PADI6: variants seen among roughly 807,000 people sequenced by gnomAD.
PADI6 encodes the protein inactive protein-arginine deiminase type-6.
In PADI6, 66 loss-of-function variants were observed where a neutral mutation model predicts 78.2. The ratio of observed to expected loss-of-function variants is 0.84; its 90% confidence interval spans 0.69 to 1.04. The LOEUF is 1.04. Among genes scored for constraint, PADI6 ranks in the 50% least tolerant of loss-of-function variants. The pLI is 0.00. For synonymous variants in PADI6, 397 were observed against 346.9 expected, an observed-to-expected ratio of 1.14 and a Z score of -1.60; for missense variants, 854 against 866.1, an observed-to-expected ratio of 0.99 and a Z score of 0.18.
chr1:17,385,411 G>GA (rs2075110287), intron 6 of PADI6, among the ~76,000 whole-genome samples: 1 of 152,158 alleles, frequency 6.6e-6, no homozygotes, highest in South Asian at 2.1e-4. Context: ...TGGGCTCTGA[G>GA]AAGGGTCAAA....
intron 14 of PADI6, 110 bp downstream of exon 14, chr1:17,397,251 G>GCCCC: frequency 8.8e-7 from 1 of 1,134,868 alleles, no homozygotes; most frequent in Non-Finnish European, 1.3e-6. Flanking sequence ...GCGGCGGGGG[G>GCCCC]CAGCTGCCTG....
intron 9 of PADI6, among the ~76,000 whole-genome samples, chr1:17,393,756 T>G (rs1385650504): frequency 6.6e-6 from 1 of 152,054 alleles, no homozygotes; most frequent in Non-Finnish European, 1.5e-5. Flanking sequence ...ATTGCAGGCG[T>G]GAGCCACCAC....
Position 17,401,446 on chromosome 1 carries a change from C to T in PADI6, c.*8C>T, listed in dbSNP as rs781455541. 103 of 1,610,720 alleles carry T rather than the reference C, an allele frequency of 6.4e-5. 1 individual carries two copies. The highest frequency in any genetic ancestry group is 7.8e-5 in the Non-Finnish European group (92 of 1,177,588). On this transcript the variant is annotated 3_prime_UTR_variant, in exon 16 of 16. Coordinates refer to ENST00000619609, the MANE Select transcript of PADI6 (RefSeq NM_207421.4). ...TGGAAGATGGTACCTTAGACCCAGG[C>T]CCTGGAGCTGCCAGCTCTGCCCCAG... is the stretch of plus-strand genomic sequence containing the variant.
At chr1:17,395,361 A>G (rs1477712477) in intron 12 of PADI6, among the ~76,000 whole-genome samples, 179 bp from the exon 13 acceptor site, 5 of 151,728 alleles carry the variant, frequency 3.3e-5, no homozygotes, top group Admixed American at 2.0e-4. Flanking sequence ...ATGCCACCAC[A>G]CCTGGCTCAT....
In PADI6 at chr1:17,401,579, C is replaced by A; in HGVS notation, c.*141C>A. On this transcript the variant is annotated 3_prime_UTR_variant, in exon 16 of 16. Transcript: ENST00000619609. Reference sequence around the variant, plus strand: ...TTCTTCCCTGTCTGCCCCGACCGACCCTCGGACCCAGTAGGATGGCAAATG... The same window carrying A: ...TTCTTCCCTGTCTGCCCCGACCGACACTCGGACCCAGTAGGATGGCAAATG... 9 of 757,870 alleles carry A rather than the reference C, an allele frequency of 1.2e-5. 1 individual carries two copies. The South Asian group carries it at 1.7e-4, about 14-fold the overall frequency. 46.9% of individuals were successfully genotyped at this position (757,870 alleles called of 1,614,324 possible). A position where few individuals can be genotyped will look rare whatever the true frequency, so the allele number is the denominator to read the frequency against.
chr1:17,398,654 G>GCCCCCCCCCCCCC lies in PADI6; in HGVS notation c.1690-21_1690-20insCCCCCCCCCCCCC. 1.2e-4 allele frequency: 20 copies of GCCCCCCCCCCCCC among 173,474 alleles called. 3 individuals carry two copies. The highest frequency in any genetic ancestry group is 3.0e-4 in the South Asian group (6 of 19,734). The allele number at this position is 173,474 out of a possible 1,614,324, so 10.7% of individuals were successfully genotyped here. A position where few individuals can be genotyped will look rare whatever the true frequency, so the allele number is the denominator to read the frequency against. On this transcript the variant is annotated intron_variant, in intron 14 of 15. Coordinates refer to ENST00000619609, the MANE Select transcript of PADI6 (RefSeq NM_207421.4). ...CCTGATGAGCTCTCCTTGCTCCCCC[G>GCCCCCCCCCCCCC]CCCCCCCCCCCACCCACCCACCCAC...
chr1:17,393,246 T>TA (rs2075208494), intron 9 of PADI6, among the ~76,000 whole-genome samples: 1 of 152,122 alleles, frequency 6.6e-6, no homozygotes, highest in South Asian at 2.1e-4. Flanking sequence ...ACCTCCTGGT[T>TA]AAGGTACCTT....
At chr1:17,394,117 C>T (rs552781402) in intron 10 of PADI6, 35 bp downstream of exon 10, 16 of 1,598,410 alleles carry the variant, frequency 1.0e-5, no homozygotes, top group African/African-American at 9.4e-5. Flanking sequence ...TGAGCTCAGT[C>T]CAATCTCTCA....
intron 10 of PADI6, 83 bp downstream of exon 10, chr1:17,394,165 G>A: frequency 6.5e-7 from 1 of 1,548,438 alleles, no homozygotes; most frequent in South Asian, 1.1e-5. Flanking sequence ...GGCACCAAGT[G>A]GGGAGAGGGC....
intron 8 of PADI6, among the ~76,000 whole-genome samples, chr1:17,391,241 A>G (rs1449807652): frequency 1.3e-5 from 2 of 152,060 alleles, no homozygotes; most frequent in Admixed American, 6.6e-5. Flanking sequence ...TCTTTTTGAG[A>G]TGGAGTCTCG....
At chr1:17,382,477 C>T (rs904789198) in intron 6 of PADI6, among the ~76,000 whole-genome samples, 24 of 152,222 alleles carry the variant, frequency 1.6e-4, no homozygotes, top group Middle Eastern at 3.2e-3. Context: ...AACCAATGAT[C>T]CACTATGTTA....
intron 8 of PADI6, among the ~76,000 whole-genome samples, chr1:17,390,983 G>A (rs899726207): frequency 6.6e-6 from 1 of 152,196 alleles, no homozygotes. Flanking sequence ...TCTAGACCTT[G>A]TCAGGCTGGT....
chr1:17,382,173 G>A, intron 6 of PADI6, 81 bp downstream of exon 6: 1 of 1,524,048 alleles, frequency 6.6e-7, no homozygotes, highest in Non-Finnish European at 8.9e-7. Flanking sequence ...TCCCAGCAAG[G>A]TCCCCAGCAG....
chr1:17,388,772 T>A lies in PADI6; in HGVS notation c.859-5T>A. The A allele has an allele frequency of 6.2e-7, 1 of 1,612,380 alleles. No homozygotes were observed. The highest frequency in any genetic ancestry group is 8.5e-7 in the Non-Finnish European group (1 of 1,179,192). Reference sequence around the variant, plus strand: ...GGTTGCTAACAGGACCTTGTCTTGTTGCAGTCAATTCCAGAGACTGTGCTG... The same window carrying A: ...GGTTGCTAACAGGACCTTGTCTTGTAGCAGTCAATTCCAGAGACTGTGCTG... On this transcript the variant is annotated splice_polypyrimidine_tract_variant and splice_region_variant and intron_variant, in intron 7 of 15. Transcript: ENST00000619609.
chr1:17,385,938 G>A (rs1334069631), intron 6 of PADI6, among the ~76,000 whole-genome samples: 1 of 152,178 alleles, frequency 6.6e-6, no homozygotes, highest in African/African-American at 2.4e-5. Flanking sequence ...GTGCCCTGAG[G>A]ATCCAGCTCT....
At chr1:17,387,225 C>T (rs1254333450) in intron 6 of PADI6, among the ~76,000 whole-genome samples, 3 of 151,544 alleles carry the variant, frequency 2.0e-5, no homozygotes, top group African/African-American at 7.3e-5. Flanking sequence ...AGATGGATTG[C>T]CTGAGCTCAG....
At position 17,396,977 on chromosome 1, in the gene PADI6, C is replaced by A. The variant is rs902211582; in HGVS notation, c.1619-94C>A. On this transcript the variant is annotated intron_variant, in intron 13 of 15. Coordinates refer to ENST00000619609, the MANE Select transcript of PADI6 (RefSeq NM_207421.4). The stretch of plus-strand genomic sequence containing the variant: ...CGCCATGGTCACTGGCCCAGGAATG[C>A]ACCCAGGTGGCTGGGCCTGGCCCGA... 71 of 1,185,776 alleles carry A rather than the reference C, an allele frequency of 6.0e-5. 1 individual carries two copies. The Admixed American group carries it at 1.3e-3, about 22-fold the overall frequency. The allele number at this position is 1,185,776 out of a possible 1,614,324, so 73.5% of individuals were successfully genotyped here.
intron 15 of PADI6, 138 bp from the exon 16 acceptor site, chr1:17,401,067 G>A (rs2075296777): frequency 1.4e-6 from 1 of 699,572 alleles, no homozygotes; most frequent in Non-Finnish European, 2.4e-6. Flanking sequence ...CTAAGCAAAA[G>A]TGAGCTGGGT....
At chr1:17,387,455 A>AGG (rs1346224146) in intron 6 of PADI6, among the ~76,000 whole-genome samples, 1 of 130,920 alleles carries the variant, frequency 7.6e-6, no homozygotes, top group East Asian at 3.1e-4. Flanking sequence ...AAAAAAGAAA[A>AGG]GGAGGGGGGG....
Sources: gnomAD v4.1 joint callset for allele counts (sites outside exome capture counted in the v4.1 genomes callset) on GRCh38, gnomAD v4.1.1 for gene constraint, MANE v1.5 for transcripts, NCBI Gene and HGNC (gene_info 2026-07-23, HGNC 2026-07-21) for gene names.